Variants in CAD observed in about 807,000 individuals in gnomAD.
CAD encodes carbamoyl-phosphate synthetase 2, aspartate transcarbamylase, and dihydroorotase, also known as multifunctional protein CAD.
CAD carries 81 observed loss-of-function variants against 237.2 expected under a neutral mutation model. The observed-to-expected ratio is 0.34, with a 90% CI of 0.29 to 0.41. The LOEUF is 0.41. Among genes scored for constraint, CAD ranks in the 10% least tolerant of loss-of-function variants. The pLI, the probability that CAD is intolerant of heterozygous loss-of-function variation, is 1.00. For missense variants in CAD, 2,181 were observed against 2,951.7 expected (o/e 0.74, Z 6.05); for synonymous variants, 1,196 against 1,162.8 (o/e 1.03, Z -0.58).
At position 27,224,004 on chromosome 2, in the gene CAD, A is replaced by G. The variant is rs138694613; in HGVS notation, c.1083A>G (p.Thr361=). Residue 361 remains threonine (T), a synonymous_variant, in exon 8 of 44, where the codon ACA becomes ACG. Coordinates refer to ENST00000264705, the MANE Select transcript of CAD (RefSeq NM_004341.5). ...TTCTGGAAACTGTGAAAGAGGCCAC[A>G]GCTGGGAACCCTGGGGGCCAGACAG... ...DIFLETVKEA[T]AGNPGGQTVR... 5.3e-3 allele frequency: 8,629 copies of G among 1,613,686 alleles called. 35 individuals carry two copies. Among genetic ancestry groups the G allele is most frequent in the Non-Finnish European group, 5.6e-3 (6,626 of 1,179,534 alleles).
At position 27,225,131 on chromosome 2, in the gene CAD, G is replaced by C; in HGVS notation, c.1508G>C (p.Gly503Ala). Residue 503 changes from glycine (G) to alanine (A), a missense_variant, in exon 11 of 44, where the codon GGC becomes GCC. Gly to Ala is a moderately conservative substitution (Grantham distance 60, BLOSUM62 0). Around this residue, in one of 12 missense-constraint regions of CAD, gnomAD observed 174 missense variants for 215.8 expected, o/e 0.81. Coordinates refer to ENST00000264705, the MANE Select transcript of CAD (RefSeq NM_004341.5). ...VLARYGVRVL[G>A]TPVETIELTE... ...GCTCGGTATGGGGTCCGGGTCCTGG[G>C]CACACCAGTGGAGACCATTGAGCTG... 1 of 1,614,142 alleles carries C rather than the reference G, an allele frequency of 6.2e-7. No homozygotes were observed. The highest frequency in any genetic ancestry group is 8.5e-7 in the Non-Finnish European group (1 of 1,180,030).
intron 15 of CAD, among the ~76,000 whole-genome samples, chr2:27,229,272 A>G (rs889138558): frequency 6.6e-6 from 1 of 151,758 alleles, no homozygotes; most frequent in African/African-American, 2.4e-5. Context: ...TATAATTATG[A>G]AAACTTTTTT....
rs1319010611 is a variant in CAD at position 27,226,652 on chromosome 2, A to G, written c.2156+3A>G. 6.2e-7 allele frequency: 1 copy of G among 1,614,094 alleles called. No individual in the cohort carries two copies. The highest frequency in any genetic ancestry group is 1.1e-5 in the South Asian group (1 of 91,076). ...GGCATCCCTTTGCCTGAGCTCAGGT[A>G]CGAGGATGAGGGAGATATCACAGTG... On this transcript the variant is annotated splice_donor_region_variant and intron_variant, in intron 14 of 43. Transcript: ENST00000264705.
chr2:27,226,158 C>T lies in CAD; in HGVS notation c.1870C>T (p.Leu624=). ...TVCNMENLDP[L]GIHTGESIVV... ...GTGTAACATGGAGAACTTGGACCCACTGGGCATCCACACTGGTGAGTCCAT... is the reference window on the plus strand; with the variant it reads ...GTGTAACATGGAGAACTTGGACCCATTGGGCATCCACACTGGTGAGTCCAT... Residue 624 remains leucine (L), a synonymous_variant, in exon 13 of 44, where the codon CTG becomes TTG. Coordinates refer to ENST00000264705, the MANE Select transcript of CAD (RefSeq NM_004341.5). The T allele has an allele frequency of 1.2e-6, 2 of 1,614,184 alleles. No homozygotes were observed. Among genetic ancestry groups the T allele is most frequent in the Non-Finnish European group, 1.7e-6 (2 of 1,180,008 alleles).
intron 2 of CAD, among the ~76,000 whole-genome samples, chr2:27,219,973 G>T (rs761683199): frequency 3.3e-5 from 5 of 152,056 alleles, no homozygotes; most frequent in Non-Finnish European, 5.9e-5. Flanking sequence ...TTTGGTAATG[G>T]GGTATTTTGT....
At chr2:27,231,438 A>G (rs774243071) in intron 15 of CAD, 30 bp from the exon 16 acceptor site, 2 of 1,314,076 alleles carry the variant, frequency 1.5e-6, no homozygotes, top group Non-Finnish European at 2.2e-6. Context: ...CCACCTCCAC[A>G]CCTTCATTCC....
intron 3 of CAD, among the ~76,000 whole-genome samples, chr2:27,221,796 T>C (rs1675184903): frequency 7.0e-6 from 1 of 142,704 alleles, no homozygotes; most frequent in Admixed American, 7.2e-5. Context: ...CATTTGAATC[T>C]TGCTCTAAAC....
chr2:27,217,642 G>T lies in CAD; in HGVS notation c.82+9G>T. ...GACTGCCGGGGAAGTGGGTAAGCAA[G>T]CCCGGTTAGGCTGCAGACCTTATCC... On this transcript the variant is annotated intron_variant, in intron 1 of 43. Coordinates refer to ENST00000264705, the MANE Select transcript of CAD (RefSeq NM_004341.5). The T allele has an allele frequency of 6.3e-7, 1 of 1,598,144 alleles. No individual in the cohort carries two copies. The highest frequency in any genetic ancestry group is 1.3e-5 in the African/African-American group (1 of 74,208).
intron 8 of CAD, 108 bp from the exon 9 acceptor site, chr2:27,224,237 G>T: frequency 8.2e-7 from 1 of 1,221,072 alleles, no homozygotes; most frequent in South Asian, 1.4e-5. Context: ...TGCTCCTCCT[G>T]AGGTGCATAA....
In CAD at chr2:27,233,662, T is replaced by A; in HGVS notation, c.3253T>A (p.Cys1085Ser). 1 of 1,614,186 alleles carries A rather than the reference T, an allele frequency of 6.2e-7. No individual in the cohort carries two copies. The highest frequency in any genetic ancestry group is 8.5e-7 in the Non-Finnish European group (1 of 1,180,040). ...ATTCTGCCAGACCGTGGGGTACCCC[T>A]GTGTGGTGCGCCCCTCCTATGTGCT... ...RQFCQTVGYP[C>S]VVRPSYVLSG... Residue 1085 changes from cysteine (C) to serine (S), a missense_variant, in exon 21 of 44, where the codon TGT becomes AGT. Coordinates refer to ENST00000264705, the MANE Select transcript of CAD (RefSeq NM_004341.5). This position sits in a 1 kb window ranked among gnomAD's most constrained non-coding sequence, Gnocchi z 6.3.
rs553171030 is a variant in CAD at position 27,229,560 on chromosome 2, A to G, written c.2288-1908A>G. Among the ~76,000 whole-genome samples, 5 of 152,238 alleles carry G rather than the reference A, an allele frequency of 3.3e-5. No individual in the cohort carries two copies. The South Asian group carries it at 1.0e-3, about 32-fold the overall frequency. On this transcript the variant is annotated intron_variant, in intron 15 of 43. Transcript: ENST00000264705. ...TGTTGGATTACAGGTGAGAGCCACC[A>G]GGACTGCCTAATTGTAAACACTTAA...
chr2:27,219,442 A>G (rs1289495696), intron 2 of CAD, among the ~76,000 whole-genome samples: 2 of 152,012 alleles, frequency 1.3e-5, no homozygotes, highest in African/African-American at 4.8e-5. Flanking sequence ...ACCTGAGCTC[A>G]AGTAGTCCTC....
rs753384071 is a variant in CAD at position 27,235,594 on chromosome 2, A to G, written c.4028A>G (p.Tyr1343Cys). The G allele has an allele frequency of 3.1e-6, 5 of 1,614,054 alleles. No individual in the cohort carries two copies. Among genetic ancestry groups the G allele is most frequent in the Non-Finnish European group, 4.2e-6 (5 of 1,180,028 alleles). The change falls in exon 25 of 44, where the codon TAT (tyrosine) becomes TGT (cysteine). Residue 1343 changes from tyrosine (Y) to cysteine (C), a missense_variant. Coordinates refer to ENST00000264705, the MANE Select transcript of CAD (RefSeq NM_004341.5). This position sits in a 1 kb window ranked among gnomAD's most constrained non-coding sequence, Gnocchi z 5.2. ...RLLESLGYSLYASLGTADFYT... is the reference protein window; with the variant it reads ...RLLESLGYSLCASLGTADFYT... ...CTGGAGAGCCTGGGCTACAGCCTCT[A>G]TGCCAGTCTCGGCACAGCTGACTTC...
Position 27,233,831 on chromosome 2 carries a change from GTC to G in CAD, c.3399+27_3399+28del, listed in dbSNP as rs1675878846. ...AAGGTGGGAGGCTGCAGACAGTGAAGTCTCTGAGGGCATGCTGCCAGCCCTGG... is the reference window on the plus strand; with the variant it reads ...AAGGTGGGAGGCTGCAGACAGTGAAGTCTGAGGGCATGCTGCCAGCCCTGG... On this transcript the variant is annotated intron_variant, in intron 21 of 43. Coordinates refer to ENST00000264705, the MANE Select transcript of CAD (RefSeq NM_004341.5). The surrounding 1 kb of genome is among the most constrained non-coding windows in gnomAD (Gnocchi z 6.3). 6.2e-7 allele frequency: 1 copy of G among 1,611,116 alleles called. No individual in the cohort carries two copies. Among genetic ancestry groups the G allele is most frequent in the Non-Finnish European group, 8.5e-7 (1 of 1,178,528 alleles).
At position 27,223,992 on chromosome 2, in the gene CAD, G is replaced by A. The variant is rs773868755; in HGVS notation, c.1071G>A (p.Val357=). The part of the protein sequence containing the change: ...ELLFDIFLET[V]KEATAGNPGG... ...TTTTCGATATCTTTCTGGAAACTGT[G>A]AAAGAGGCCACAGCTGGGAACCCTG... Residue 357 remains valine, a synonymous_variant, in exon 8 of 44, where the codon GTG becomes GTA. Coordinates refer to ENST00000264705, the MANE Select transcript of CAD (RefSeq NM_004341.5). 2.8e-5 allele frequency: 46 copies of A among 1,614,086 alleles called. No homozygotes were observed. The highest frequency in any genetic ancestry group is 5.0e-5 in the Admixed American group (3 of 60,020).
chr2:27,239,525 C>G lies in CAD; in HGVS notation c.5394+54C>G. On this transcript the variant is annotated intron_variant, in intron 33 of 43. Transcript: ENST00000264705. The surrounding 1 kb of genome is among the most constrained non-coding windows in gnomAD (Gnocchi z 4.0). ...GTAGTGCCCTCTTCTGCACCACGTTCATTTCTTCCCTTCCCAGCACATCTA... is the reference window on the plus strand; with the variant it reads ...GTAGTGCCCTCTTCTGCACCACGTTGATTTCTTCCCTTCCCAGCACATCTA... The G allele has an allele frequency of 1.3e-6, 2 of 1,588,336 alleles. No individual in the cohort carries two copies. The highest frequency in any genetic ancestry group is 1.7e-6 in the Non-Finnish European group (2 of 1,161,274).
chr2:27,243,227 C>T lies in CAD; in HGVS notation c.6510C>T (p.His2170=), dbSNP rs1034520304. Residue 2170 remains histidine (H), a synonymous_variant, in exon 43 of 44, where the codon CAC becomes CAT. Coordinates refer to ENST00000264705, the MANE Select transcript of CAD (RefSeq NM_004341.5). ...TTGGTCAGTTCATCCTCACTCCCCA[C>T]ATCATGACCCGGGCCAAGAAGAAGA... ...ACFGQFILTP[H]IMTRAKKKMV... 64 of 1,613,922 alleles carry T rather than the reference C, an allele frequency of 4.0e-5. No homozygotes were observed. Among genetic ancestry groups the T allele is most frequent in the African/African-American group, 5.3e-5 (4 of 74,854 alleles).
Position 27,239,170 on chromosome 2 carries a change from C to G in CAD, c.5191C>G (p.Arg1731Gly), listed in dbSNP as rs748665383. 6.2e-7 allele frequency: 1 copy of G among 1,612,872 alleles called. No individual in the cohort carries two copies. Among genetic ancestry groups the G allele is most frequent in the African/African-American group, 1.3e-5 (1 of 74,900 alleles). The part of the protein sequence containing the change: ...GRLSLDDLLQ[R>G]LHHNPRRIFH... ...GCTCAGCCTGGACGACCTGCTGCAG[C>G]GATTGCACCACAATCCTCGGCGCAT... Residue 1731 changes from arginine (R) to glycine (G), a missense_variant, in exon 32 of 44, where the codon CGA becomes GGA. Transcript: ENST00000264705. This position sits in a 1 kb window ranked among gnomAD's most constrained non-coding sequence, Gnocchi z 4.0.
At chr2:27,217,668 C>T (rs1456133626) in intron 1 of CAD, 35 bp downstream of exon 1, 1 of 1,546,402 alleles carries the variant, frequency 6.5e-7, no homozygotes, top group South Asian at 1.2e-5. Context: ...GACCTTATCC[C>T]ACTCTGTGAT....
Sources: gnomAD v4.1 joint callset for allele counts (sites outside exome capture counted in the v4.1 genomes callset) on GRCh38, gnomAD v4.1.1 for gene constraint, gnomAD v4.1.1 regional missense constraint, Gnocchi (gnomAD v3.1) non-coding constraint, MANE v1.5 for transcripts, NCBI Gene and HGNC (gene_info 2026-07-23, HGNC 2026-07-21) for gene names.